Variants in OTOG observed in about 807,000 individuals in gnomAD.
OTOG encodes otogelin.
A neutral mutation model predicts 313.8 loss-of-function variants in OTOG; 296 were observed. The ratio of observed to expected loss-of-function variants is 0.94; its 90% CI spans 0.86 to 1.04. The LOEUF (loss-of-function observed/expected upper bound fraction) is 1.04, where lower values mean the gene tolerates loss of function less well. Ranked by LOEUF, OTOG falls within the 50% of genes least tolerant of loss-of-function variation. OTOG has a pLI of 0.00. For missense variants in OTOG, 3,948 were observed against 3,840.1 expected (o/e 1.03, Z -0.74); for synonymous variants, 1,533 against 1,554.9 (o/e 0.99, Z 0.33).
intron 39 of OTOG, among the ~76,000 whole-genome samples, chr11:17,620,799 C>G (rs1301649965): frequency 6.6e-6 from 1 of 152,148 alleles, no homozygotes; most frequent in Non-Finnish European, 1.5e-5. Context: ...TCATCATTCT[C>G]TTGGGTCTTT....
At chr11:17,607,989 G>A (rs983430636) in intron 33 of OTOG, among the ~76,000 whole-genome samples, 3 of 152,052 alleles carry the variant, frequency 2.0e-5, no homozygotes, top group African/African-American at 7.2e-5. Context: ...CCTCTTCTTC[G>A]GTCACCCTTC....
rs768682068 is a variant in OTOG at position 17,610,171 on chromosome 11, G to A, written c.4871G>A (p.Gly1624Asp). The change falls in exon 36 of 56, where the codon GGC becomes GAC. Residue 1624 changes from glycine to aspartate, a missense_variant. Physicochemically the swap from Gly to Asp is moderately conservative, Grantham distance 94. Coordinates refer to ENST00000399397, the MANE Select transcript of OTOG (RefSeq NM_001292063.2). The part of the protein sequence containing the change: ...PLMTKAVTVR[G>D]HGSLPVRTTP... ...ATGACCAAGGCTGTGACAGTCCGAGGCCATGGCTCCTTGCCTGTTAGGACG... is the reference window on the plus strand; with the variant it reads ...ATGACCAAGGCTGTGACAGTCCGAGACCATGGCTCCTTGCCTGTTAGGACG... 6 of 1,550,618 alleles carry A rather than the reference G, an allele frequency of 3.9e-6. No homozygotes were observed. The South Asian group carries it at 5.9e-5, about 15-fold the overall frequency.
At chr11:17,570,552 T>C (rs1261288264) in intron 17 of OTOG, 162 bp downstream of exon 17, 1 of 726,284 alleles carries the variant, frequency 1.4e-6, no homozygotes, top group African/African-American at 1.8e-5. Context: ...TTATGTTTCT[T>C]TAAAGCAGCG....
chr11:17,635,053 A>G, intron 45 of OTOG, 27 bp from the exon 46 acceptor site: 1 of 1,541,330 alleles, frequency 6.5e-7, no homozygotes, highest in Non-Finnish European at 8.8e-7. Context: ...TTCCTCTCCC[A>G]GCACCTAAAT....
chr11:17,596,228 C>A (rs1853102552), intron 29 of OTOG, 74 bp downstream of exon 29: 1 of 1,075,904 alleles, frequency 9.3e-7, no homozygotes, highest in Non-Finnish European at 1.4e-6. Flanking sequence ...CTCTCAGACT[C>A]CCCCATGTCT....
chr11:17,569,112 AGG>A, intron 15 of OTOG, 42 bp from the exon 16 acceptor site: 2 of 1,548,752 alleles, frequency 1.3e-6, no homozygotes, highest in Admixed American at 2.0e-5. Flanking sequence ...ATCCAGCAGG[AGG>A]GTCAGACCAA....
chr11:17,640,731 T>A lies in OTOG; in HGVS notation c.7936-14T>A, dbSNP rs1200714843. The A allele has an allele frequency of 3.2e-6, 5 of 1,549,266 alleles. No homozygotes were observed. Among genetic ancestry groups the A allele is most frequent in the Non-Finnish European group, 4.4e-6 (5 of 1,146,904 alleles). The stretch of plus-strand genomic sequence containing the variant: ...CCCCCAACCCAGGGTGCTGACTGCC[T>A]CTGCCCCACCCAGTGGGAGAAATCC... On this transcript the variant is annotated splice_polypyrimidine_tract_variant and intron_variant, in intron 49 of 55. Coordinates refer to ENST00000399397, the MANE Select transcript of OTOG (RefSeq NM_001292063.2).
At chr11:17,588,157 T>G (rs766719904) in intron 24 of OTOG, among the ~76,000 whole-genome samples, 3 of 152,198 alleles carry the variant, frequency 2.0e-5, no homozygotes, top group Non-Finnish European at 4.4e-5. Flanking sequence ...GGATGTCCTC[T>G]CTTCCATAGA....
chr11:17,573,151 C>T lies in OTOG; in HGVS notation c.2154C>T (p.Pro718=), dbSNP rs1014863710. The part of the protein sequence containing the change: ...MFAPCSAFLS[P]VPYFEQCRRD... Reference sequence around the variant, plus strand: ...CGCCCTGCTCTGCGTTCCTGAGCCCCGTGCCCTACTTTGAGCAGTGCCGCA... The same window carrying T: ...CGCCCTGCTCTGCGTTCCTGAGCCCTGTGCCCTACTTTGAGCAGTGCCGCA... Residue 718 remains proline, a synonymous_variant, in exon 19 of 56, where the codon CCC becomes CCT. Coordinates refer to ENST00000399397, the MANE Select transcript of OTOG (RefSeq NM_001292063.2). The T allele has an allele frequency of 3.2e-5, 50 of 1,545,444 alleles. No individual in the cohort carries two copies. Among genetic ancestry groups the T allele is most frequent in the African/African-American group, 2.2e-4 (16 of 73,038 alleles).
chr11:17,581,567 C>T (rs553635134), intron 23 of OTOG, among the ~76,000 whole-genome samples: 1 of 152,280 alleles, frequency 6.6e-6, no homozygotes, highest in Non-Finnish European at 1.5e-5. Flanking sequence ...AATAGGGAGC[C>T]TCCAGTCAGC....
intron 23 of OTOG, among the ~76,000 whole-genome samples, chr11:17,580,452 G>A (rs1429743413): frequency 6.6e-6 from 1 of 152,234 alleles, no homozygotes; most frequent in African/African-American, 2.4e-5. Flanking sequence ...GAGTGAGAAG[G>A]TCCCCTACAA....
At position 17,557,278 on chromosome 11, in the gene OTOG, G is replaced by A. The variant is rs2134004364; in HGVS notation, c.820G>A (p.Gly274Arg). 1 of 1,550,660 alleles carries A rather than the reference G, an allele frequency of 6.4e-7. No individual in the cohort carries two copies. Among genetic ancestry groups the A allele is most frequent in the East Asian group, 2.4e-5 (1 of 40,912 alleles). Residue 274 changes from glycine to arginine, a missense_variant, in exon 8 of 56, where the codon GGG (glycine) becomes AGG (arginine). Transcript: ENST00000399397. ...TCTGGGCTGGACCCATGGGCTGTGTGGGAACAACAATGCTGACCCCAAGGA... is the reference window on the plus strand; with the variant it reads ...TCTGGGCTGGACCCATGGGCTGTGTAGGAACAACAATGCTGACCCCAAGGA... ...ELLGWTHGLC[G>R]NNNADPKDDL...
chr11:17,616,507 T>C (rs1853724315), intron 39 of OTOG, among the ~76,000 whole-genome samples: 1 of 152,246 alleles, frequency 6.6e-6, no homozygotes, highest in African/African-American at 2.4e-5. Context: ...TTCCAGTGCA[T>C]GAACATGGTT....
chr11:17,592,919 A>C (rs142593522), intron 25 of OTOG, among the ~76,000 whole-genome samples: 1 of 152,352 alleles, frequency 6.6e-6, no homozygotes, highest in African/African-American at 2.4e-5. Context: ...CCTCTTCCCC[A>C]TACCCTATCA....
At chr11:17,549,955 C>G (rs907260623) in intron 3 of OTOG, among the ~76,000 whole-genome samples, 37 of 152,188 alleles carry the variant, frequency 2.4e-4, no homozygotes, top group African/African-American at 7.2e-4. Context: ...AGTAGGCAAC[C>G]AATCTTCATT....
At chr11:17,599,617 T>C in intron 30 of OTOG, 54 bp from the exon 31 acceptor site, 1 of 1,543,828 alleles carries the variant, frequency 6.5e-7, no homozygotes, top group Non-Finnish European at 8.8e-7. Flanking sequence ...GCTCTGTCTG[T>C]CTGTTCCAGG....
intron 44 of OTOG, 24 bp downstream of exon 44, chr11:17,634,305 T>A (rs1854206666): frequency 1.9e-6 from 3 of 1,545,678 alleles, no homozygotes; most frequent in Admixed American, 3.9e-5. Context: ...TTCACTTCCT[T>A]GGACGTCAAC....
chr11:17,633,914 C>T, intron 43 of OTOG, 40 bp downstream of exon 43: 1 of 1,495,250 alleles, frequency 6.7e-7, no homozygotes, highest in Non-Finnish European at 8.9e-7. Context: ...CCTCCAAAGC[C>T]AGCCTCAGCC....
rs1249878876 is a variant in OTOG, at chr11:17,559,101, C to T, written c.1153C>T (p.Arg385Trp). The stretch of plus-strand genomic sequence containing the variant: ...GTGCCGGGCACTGGCGGAGTATGCC[C>T]GGGCGTGTGCCCAGGCAGGGCGGCC... ...TWCRALAEYA[R>W]ACAQAGRPLQ... The change falls in exon 11 of 56, where the codon CGG becomes TGG. Residue 385 changes from arginine to tryptophan, a missense_variant. Transcript: ENST00000399397. 31 of 1,545,720 alleles carry T rather than the reference C, an allele frequency of 2.0e-5. No individual in the cohort carries two copies. Among genetic ancestry groups the T allele is most frequent in the Middle Eastern group, 1.7e-4 (1 of 6,012 alleles).
Sources: gnomAD v4.1 joint callset for allele counts (sites outside exome capture counted in the v4.1 genomes callset) on GRCh38, gnomAD v4.1.1 for gene constraint, MANE v1.5 for transcripts, NCBI Gene and HGNC (gene_info 2026-07-23, HGNC 2026-07-21) for gene names.